The following SORCS2 variants were observed in gnomAD, a reference collection of about 807,000 sequenced individuals.
The protein encoded by SORCS2 is VPS10 domain-containing receptor SorCS2.
Under a neutral mutation model 141.6 loss-of-function variants are expected in SORCS2, and 100 were observed. The ratio of observed to expected loss-of-function variants is 0.71; its 90% CI spans 0.60 to 0.83. The LOEUF (loss-of-function observed/expected upper bound fraction) is 0.83. Ranked by LOEUF, SORCS2 falls within the 40% of genes least tolerant of loss-of-function variation. The pLI is 0.00. For missense variants in SORCS2, 1,646 were observed against 1,560.2 expected (o/e 1.05, Z -0.93); for synonymous variants, 789 against 676.9 (o/e 1.17, Z -2.57).
chr4:7,557,749 G>A (rs75992574), intron 3 of SORCS2, among the ~76,000 whole-genome samples: 2,531 of 152,308 alleles, frequency 0.017, 34 homozygotes, highest in Non-Finnish European at 0.027. Context: ...CTCTGAAAGG[G>A]GCAGTGGTTT....
chr4:7,362,278 C>T (rs555039326), intron 1 of SORCS2, among the ~76,000 whole-genome samples: 21 of 152,246 alleles, frequency 1.4e-4, no homozygotes, highest in Admixed American at 3.9e-4. Flanking sequence ...TTTTCATAGA[C>T]GAGCTTCAAG....
rs547951862 is a variant in SORCS2 at position 7,611,858 on chromosome 4, C to G, written c.649-26470C>G. On this transcript the variant is annotated intron_variant, in intron 3 of 26. Coordinates refer to ENST00000507866, the MANE Select transcript of SORCS2 (RefSeq NM_020777.3). ...TGCTGTTAGGACAGAGGCCATAGGC[C>G]TGCAAAGCTGGTCCTCTCCAGACAG... 5.5e-4 allele frequency among the ~76,000 whole-genome samples: 84 copies of G among 152,376 alleles called. 1 individual carries two copies. Among genetic ancestry groups the G allele is most frequent in the South Asian group, 4.8e-3 (23 of 4,830 alleles).
chr4:7,672,220 G>A (rs1306837667), intron 8 of SORCS2, among the ~76,000 whole-genome samples: 3 of 152,176 alleles, frequency 2.0e-5, no homozygotes, highest in African/African-American at 7.2e-5. Flanking sequence ...TGGGACTACA[G>A]CCGTGATCCA....
chr4:7,451,486 T>C (rs1728463710), intron 2 of SORCS2, among the ~76,000 whole-genome samples: 1 of 152,258 alleles, frequency 6.6e-6, no homozygotes, highest in South Asian at 2.1e-4. Context: ...GTGCTGGGAA[T>C]ACCCAGCTCT....
At chr4:7,685,925 G>T (rs1006467) in intron 10 of SORCS2, among the ~76,000 whole-genome samples, 38,785 of 152,140 alleles carry the variant, frequency 0.25, 5,522 homozygotes, top group Non-Finnish European at 0.32. Flanking sequence ...GGAAGATACA[G>T]AAAGGTATAA....
chr4:7,243,834 C>T (rs1287820379), intron 1 of SORCS2, among the ~76,000 whole-genome samples: 1 of 152,194 alleles, frequency 6.6e-6, no homozygotes, highest in Non-Finnish European at 1.5e-5. Context: ...TGGGTCAGCA[C>T]CTCACCAGGG....
rs117129548 is a variant in SORCS2 at position 7,709,199 on chromosome 4, C to G, written c.1869-3534C>G. On this transcript the variant is annotated intron_variant, in intron 14 of 26. Coordinates refer to ENST00000507866, the MANE Select transcript of SORCS2 (RefSeq NM_020777.3). ...CCAGAACCCGCAGAGCCGCGGGGGG[C>G]CAGCAGTGCAGGGGTGAGGGCGGCC... 2.9e-3 allele frequency among the ~76,000 whole-genome samples: 435 copies of G among 152,270 alleles called. 16 individuals are homozygous for G. In the East Asian group the frequency reaches 0.068, roughly 24 times the overall value.
chr4:7,615,902 C>A (rs1395746173), intron 3 of SORCS2, among the ~76,000 whole-genome samples: 1 of 152,182 alleles, frequency 6.6e-6, no homozygotes, highest in Non-Finnish European at 1.5e-5. Flanking sequence ...TTAAAGGATG[C>A]ACAGTTAAAT....
At chr4:7,278,229 A>G (rs1715637350) in intron 1 of SORCS2, among the ~76,000 whole-genome samples, 1 of 152,192 alleles carries the variant, frequency 6.6e-6, no homozygotes, top group South Asian at 2.1e-4. Flanking sequence ...CTGCATGGGC[A>G]TCACAGCCTC....
rs889597303 is a variant in SORCS2, at chr4:7,364,011, C to T, written c.481-32277C>T. On this transcript the variant is annotated intron_variant, in intron 1 of 26. Coordinates refer to ENST00000507866, the MANE Select transcript of SORCS2 (RefSeq NM_020777.3). ...TGCCTCACCATCATCATCACCATCA[C>T]CACCATTGTGGTGTATCACCATTAC... 2.4e-3 allele frequency among the ~76,000 whole-genome samples: 310 copies of T among 126,796 alleles called. 1 individual carries two copies. Among genetic ancestry groups the T allele is most frequent in the African/African-American group, 9.6e-3 (290 of 30,332 alleles). The allele number at this position is 126,796 out of a possible 152,430, so 83.2% of individuals were successfully genotyped here. A position where few individuals can be genotyped will look rare whatever the true frequency, so the allele number is the denominator to read the frequency against.
At chr4:7,274,875 T>G (rs768787054) in intron 1 of SORCS2, among the ~76,000 whole-genome samples, 4 of 152,122 alleles carry the variant, frequency 2.6e-5, no homozygotes, top group Non-Finnish European at 4.4e-5. Flanking sequence ...AACACCCTGC[T>G]CCCCCATCAC....
chr4:7,266,694 AC>A (rs1001510346), intron 1 of SORCS2, among the ~76,000 whole-genome samples: 3 of 151,950 alleles, frequency 2.0e-5, no homozygotes, highest in Admixed American at 6.6e-5. Flanking sequence ...CAGCTCAGAT[AC>A]CCCCTCCCCC....
intron 2 of SORCS2, among the ~76,000 whole-genome samples, chr4:7,471,336 C>T (rs184324172): frequency 5.3e-4 from 80 of 152,354 alleles, no homozygotes; most frequent in Non-Finnish European, 1.0e-3. Context: ...GAGACAGTGG[C>T]TCTGTGGTCC....
At chr4:7,359,637 TTCTG>T (rs1189454679) in intron 1 of SORCS2, among the ~76,000 whole-genome samples, 2 of 152,246 alleles carry the variant, frequency 1.3e-5, no homozygotes, top group Non-Finnish European at 2.9e-5. Context: ...AGCCAATGCA[TTCTG>T]TCTTTGACCT....
intron 2 of SORCS2, among the ~76,000 whole-genome samples, chr4:7,482,934 C>T (rs972051978): frequency 6.6e-6 from 1 of 152,212 alleles, no homozygotes; most frequent in South Asian, 2.1e-4. Flanking sequence ...CAGAAAGGGA[C>T]CTTCTTTGGA....
At position 7,710,170 on chromosome 4, in the gene SORCS2, A is replaced by G. The variant is rs557414359; in HGVS notation, c.1869-2563A>G. Among the ~76,000 whole-genome samples, 9 of 152,170 alleles carry G rather than the reference A, an allele frequency of 5.9e-5. No individual in the cohort carries two copies. In the East Asian group the frequency reaches 9.7e-4, roughly 16 times the overall value. ...GGCCTCCTGGGGGTCTCTGCGACCA[A>G]TGGAGCCCCAGTGTCATGTTTCTGT... On this transcript the variant is annotated intron_variant, in intron 14 of 26. Coordinates refer to ENST00000507866, the MANE Select transcript of SORCS2 (RefSeq NM_020777.3).
chr4:7,454,340 G>C (rs1577590879), intron 2 of SORCS2, among the ~76,000 whole-genome samples: 1 of 126,228 alleles, frequency 7.9e-6, no homozygotes, highest in East Asian at 2.6e-4. Flanking sequence ...TGCTGTGTTG[G>C]GGTCAGGCAC....
chr4:7,368,575 C>G (rs1426631510), intron 1 of SORCS2, among the ~76,000 whole-genome samples: 1 of 152,202 alleles, frequency 6.6e-6, no homozygotes, highest in Admixed American at 6.5e-5. Context: ...AGGGGCTGGT[C>G]CTGGTCACAA....
chr4:7,515,761 G>A (rs185159195), intron 2 of SORCS2, among the ~76,000 whole-genome samples: 222 of 152,372 alleles, frequency 1.5e-3, no homozygotes, highest in Middle Eastern at 3.4e-3. Context: ...GGTCAGAGTG[G>A]GGAATGATTT....
Sources: allele counts gnomAD v4.1 joint callset (sites outside exome capture counted in the v4.1 genomes callset), GRCh38; gene constraint gnomAD v4.1.1; transcripts MANE v1.5; gene names NCBI Gene and HGNC (gene_info 2026-07-23, HGNC 2026-07-21).